SNTG1: variants seen among roughly 807,000 people sequenced by gnomAD.
SNTG1 encodes the protein syntrophin gamma 1.
A neutral mutation model predicts 74.7 loss-of-function variants in SNTG1; 39 were observed. The observed-to-expected ratio is 0.52, with a 90% CI of 0.40 to 0.68. The LOEUF (loss-of-function observed/expected upper bound fraction) is 0.68. Ranked by LOEUF, SNTG1 falls within the 30% of genes least tolerant of loss-of-function variation. The pLI is 0.00. For missense variants in SNTG1, 685 were observed against 609.5 expected (o/e 1.12, Z -1.30); for synonymous variants, 254 against 217.1 (o/e 1.17, Z -1.49).
chr8:50,588,398 G>T (rs2094668252), intron 12 of SNTG1, among the ~76,000 whole-genome samples: 1 of 152,130 alleles, frequency 6.6e-6, no homozygotes, highest in South Asian at 2.1e-4. Context: ...GTAACAGGCG[G>T]ACGGAGTTTT....
rs183870635 is a variant in SNTG1 at position 50,377,626 on chromosome 8, A to C, written c.-27-16586A>C. ...TTTGCATAATTAAAAATAAATATAC[A>C]CACAAAAATGTCAAAAATCTAGCTA... is the stretch of plus-strand genomic sequence containing the variant. On this transcript the variant is annotated intron_variant, in intron 2 of 18. Transcript: ENST00000642720. 1.6e-4 allele frequency among the ~76,000 whole-genome samples: 25 copies of C among 152,276 alleles called. No individual in the cohort carries two copies. In the East Asian group the frequency reaches 2.1e-3, roughly 13 times the overall value.
intron 8 of SNTG1, among the ~76,000 whole-genome samples, chr8:50,454,861 G>C (rs1185690669): frequency 2.1e-5 from 3 of 141,802 alleles, no homozygotes; most frequent in Non-Finnish European, 4.6e-5. Context: ...AGAATTATCT[G>C]AGTGCCATCT....
At chr8:50,570,954 G>A (rs1001886032) in intron 12 of SNTG1, among the ~76,000 whole-genome samples, 4 of 151,846 alleles carry the variant, frequency 2.6e-5, no homozygotes, top group African/African-American at 9.7e-5. Flanking sequence ...CATAGTAGTT[G>A]CACGAATTTA....
At chr8:50,295,245 T>C (rs961297746) in intron 2 of SNTG1, among the ~76,000 whole-genome samples, 3 of 152,184 alleles carry the variant, frequency 2.0e-5, no homozygotes, top group African/African-American at 7.2e-5. Context: ...TCCAGGTCAC[T>C]GTAAACAGAT....
chr8:50,306,641 A>G (rs1474736801), intron 2 of SNTG1, among the ~76,000 whole-genome samples: 2 of 151,806 alleles, frequency 1.3e-5, no homozygotes, highest in Non-Finnish European at 2.9e-5. Context: ...CATTTCCCTG[A>G]TGATTAGTGA....
chr8:49,915,098 T>G (rs745628859), intron 1 of SNTG1: 17 of 152,188 alleles, frequency 1.1e-4, no homozygotes, highest in Non-Finnish European at 1.0e-4. Context: ...ATTTTTTAAC[T>G]GCTGGCCATA....
At chr8:50,439,716 C>CTTTTTTT (rs60899125) in intron 5 of SNTG1, among the ~76,000 whole-genome samples, 1 of 102,102 alleles carries the variant, frequency 9.8e-6, no homozygotes, top group African/African-American at 3.7e-5. Context: ...TTTTGTTTTG[C>CTTTTTTT]TTTTTTTTTT....
chr8:50,690,441 T>G (rs573203107), intron 15 of SNTG1, among the ~76,000 whole-genome samples: 87 of 152,324 alleles, frequency 5.7e-4, no homozygotes, highest in African/African-American at 2.0e-3. Context: ...GTTTCTGGTA[T>G]GTTGTGTCTT....
At chr8:50,094,735 G>A (rs1346952117) in intron 1 of SNTG1, among the ~76,000 whole-genome samples, 1 of 152,162 alleles carries the variant, frequency 6.6e-6, no homozygotes, top group Non-Finnish European at 1.5e-5. Flanking sequence ...AGGAGTAGTG[G>A]AAAGCAGTTT....
At chr8:50,597,970 T>C (rs759193114) in intron 13 of SNTG1, among the ~76,000 whole-genome samples, 16 of 151,972 alleles carry the variant, frequency 1.1e-4, no homozygotes, top group Non-Finnish European at 2.2e-4. Context: ...TAATATCTTG[T>C]CTGTGAGTTG....
intron 2 of SNTG1, among the ~76,000 whole-genome samples, chr8:50,351,813 G>A (rs2091670899): frequency 6.6e-6 from 1 of 152,134 alleles, no homozygotes; most frequent in African/African-American, 2.4e-5. Context: ...TTCTTAAAAA[G>A]TTGTGGCTAA....
Position 50,229,141 on chromosome 8 carries a change from T to G in SNTG1, c.-28+56506T>G, listed in dbSNP as rs796212681. Among the ~76,000 whole-genome samples, 19 of 151,622 alleles carry G rather than the reference T, an allele frequency of 1.3e-4. 1 individual carries two copies. Among genetic ancestry groups the G allele is most frequent in the African/African-American group, 4.6e-4 (19 of 41,520 alleles). ...TATTTCTAAAAATGTATGGTGGATA[T>G]GCTTGGAAAGGAGATAAAATGCTCA... On this transcript the variant is annotated intron_variant, in intron 2 of 18. Coordinates refer to ENST00000642720, the MANE Select transcript of SNTG1 (RefSeq NM_018967.5).
intron 1 of SNTG1, among the ~76,000 whole-genome samples, chr8:49,985,037 G>T (rs1321165091): frequency 6.6e-6 from 1 of 152,116 alleles, no homozygotes; most frequent in East Asian, 1.9e-4. Context: ...TGGTGGCCAG[G>T]ATTAGATTCC....
chr8:50,223,228 T>C (rs946279673), intron 2 of SNTG1, among the ~76,000 whole-genome samples: 1 of 152,086 alleles, frequency 6.6e-6, no homozygotes, highest in Non-Finnish European at 1.5e-5. Flanking sequence ...GAATTAGATA[T>C]CGAGGAAAAG....
chr8:50,459,927 T>G (rs974682376), intron 8 of SNTG1, among the ~76,000 whole-genome samples: 1 of 152,216 alleles, frequency 6.6e-6, no homozygotes, highest in East Asian at 1.9e-4. Context: ...GGGACTTAGG[T>G]TGATTCTGTG....
At position 50,021,485 on chromosome 8, in the gene SNTG1, C is replaced by T. The variant is rs189343235; in HGVS notation, c.-103+109254C>T. ...TATTTAATTTGATGAATTCATTTCTCCCATGAGTTAATTAAGCTAATGAAA... is the reference window on the plus strand; with the variant it reads ...TATTTAATTTGATGAATTCATTTCTTCCATGAGTTAATTAAGCTAATGAAA... On this transcript the variant is annotated intron_variant, in intron 1 of 18. Coordinates refer to ENST00000642720, the MANE Select transcript of SNTG1 (RefSeq NM_018967.5). 3.4e-3 allele frequency among the ~76,000 whole-genome samples: 512 copies of T among 152,218 alleles called. 2 individuals are homozygous for T. Among genetic ancestry groups the T allele is most frequent in the Admixed American group, 4.9e-3 (75 of 15,278 alleles).
Position 49,956,193 on chromosome 8 carries a change from A to C in SNTG1, c.-103+43962A>C, listed in dbSNP as rs556282139. Among the ~76,000 whole-genome samples the C allele has an allele frequency of 1.4e-3, 219 of 152,326 alleles. 1 individual carries two copies. The highest frequency in any genetic ancestry group is 6.8e-3 in the Middle Eastern group (2 of 294). ...TTTAACTTATTTTTGCAAATATAGT[A>C]ATTTTAGGTTCTGCAAAGACATAAT... On this transcript the variant is annotated intron_variant, in intron 1 of 18. Coordinates refer to ENST00000642720, the MANE Select transcript of SNTG1 (RefSeq NM_018967.5).
At chr8:50,073,752 G>A (rs1382531883) in intron 1 of SNTG1, among the ~76,000 whole-genome samples, 2 of 151,854 alleles carry the variant, frequency 1.3e-5, no homozygotes, top group Non-Finnish European at 2.9e-5. Flanking sequence ...CTGCCTCACA[G>A]CTCTTGGGTA....
intron 4 of SNTG1, among the ~76,000 whole-genome samples, chr8:50,435,548 A>T (rs996884639): frequency 2.0e-5 from 3 of 152,166 alleles, no homozygotes; most frequent in Non-Finnish European, 2.9e-5. Context: ...GCAAACACAA[A>T]CAACTGGGAA....
Sources: allele counts gnomAD v4.1 joint callset (sites outside exome capture counted in the v4.1 genomes callset), GRCh38; gene constraint gnomAD v4.1.1; transcripts MANE v1.5; gene names NCBI Gene and HGNC (gene_info 2026-07-23, HGNC 2026-07-21).